Variants in SNTG1 observed in about 807,000 individuals in gnomAD.
The protein encoded by SNTG1 is gamma-1-syntrophin.
A neutral mutation model predicts 74.7 loss-of-function variants in SNTG1; 39 were observed. That is an observed-to-expected ratio of 0.52 (90% CI 0.40 to 0.68). The LOEUF (loss-of-function observed/expected upper bound fraction) is 0.68. Ranked by LOEUF, SNTG1 falls within the 30% of genes least tolerant of loss-of-function variation. The pLI is 0.00. For synonymous variants in SNTG1, 254 were observed against 217.1 expected, an observed-to-expected ratio of 1.17 and a Z score of -1.49; for missense variants, 685 against 609.5, an observed-to-expected ratio of 1.12 and a Z score of -1.30.
rs1807122099 is a variant in SNTG1, at chr8:49,927,378, A to G, written c.-103+15147A>G. 2.6e-5 allele frequency among the ~76,000 whole-genome samples: 4 copies of G among 152,356 alleles called. No individual in the cohort carries two copies. The South Asian group carries it at 8.3e-4, about 32-fold the overall frequency. On this transcript the variant is annotated intron_variant, in intron 1 of 18. Transcript: ENST00000642720. ...TTCTGCAGTAAATGAATGAATACAT[A>G]AACTCTGGTACTTCCAGGTAAGGGA...
At chr8:50,103,601 A>T (rs1377124570) in intron 1 of SNTG1, among the ~76,000 whole-genome samples, 1 of 151,670 alleles carries the variant, frequency 6.6e-6, no homozygotes, top group Admixed American at 6.6e-5. Context: ...CACTATGTTG[A>T]ATAGGAGTGG....
intron 1 of SNTG1, among the ~76,000 whole-genome samples, chr8:50,167,788 G>A (rs897786771): frequency 6.7e-6 from 1 of 149,682 alleles, no homozygotes; most frequent in Non-Finnish European, 1.5e-5. Context: ...ACCCCAGGCT[G>A]GGCAAGTTTG....
At chr8:49,928,250 C>CAG (rs1807224570) in intron 1 of SNTG1, among the ~76,000 whole-genome samples, 1 of 150,016 alleles carries the variant, frequency 6.7e-6, no homozygotes, top group Admixed American at 6.6e-5. Context: ...TTTTTTGAGA[C>CAG]AGAGTCTAGC....
chr8:50,666,129 A>G (rs2095249915), intron 15 of SNTG1, among the ~76,000 whole-genome samples: 1 of 152,186 alleles, frequency 6.6e-6, no homozygotes, highest in Non-Finnish European at 1.5e-5. Flanking sequence ...AATGTAAAGG[A>G]GAAAACCAAT....
At chr8:50,458,194 A>C (rs1181236358) in intron 8 of SNTG1, 2 of 83,376 alleles carry the variant, frequency 2.4e-5, no homozygotes, top group Non-Finnish European at 6.8e-5. Flanking sequence ...GCAGAAGCTA[A>C]AACAGGAAAA....
chr8:50,550,745 G>C (rs535864755), intron 11 of SNTG1, among the ~76,000 whole-genome samples: 22 of 151,716 alleles, frequency 1.5e-4, no homozygotes, highest in Non-Finnish European at 2.6e-4. Flanking sequence ...TAAGGTTACC[G>C]TTAATGCTGT....
At chr8:50,495,907 T>C (rs1476041838) in intron 8 of SNTG1, among the ~76,000 whole-genome samples, 1 of 152,194 alleles carries the variant, frequency 6.6e-6, no homozygotes, top group South Asian at 2.1e-4. Flanking sequence ...GCCTTTACAT[T>C]ACCGTTTCAA....
chr8:50,604,324 G>T (rs946720984), intron 13 of SNTG1, among the ~76,000 whole-genome samples: 1 of 152,014 alleles, frequency 6.6e-6, no homozygotes, highest in Admixed American at 6.5e-5. Context: ...GCTGAGGTGG[G>T]AGGATCACTT....
At chr8:49,939,859 C>A (rs1337327008) in intron 1 of SNTG1, among the ~76,000 whole-genome samples, 1 of 152,052 alleles carries the variant, frequency 6.6e-6, no homozygotes, top group African/African-American at 2.4e-5. Flanking sequence ...CCTGAGAGGT[C>A]TAGGGTCTAG....
chr8:50,716,463 A>G (rs983274622), intron 17 of SNTG1, among the ~76,000 whole-genome samples: 3 of 151,996 alleles, frequency 2.0e-5, no homozygotes, highest in African/African-American at 7.2e-5. Flanking sequence ...TGTTTGATGT[A>G]ATTTTTATGT....
chr8:50,746,633 G>T (rs12682636), intron 17 of SNTG1, among the ~76,000 whole-genome samples: 86 of 151,500 alleles, frequency 5.7e-4, no homozygotes, highest in African/African-American at 1.9e-3. Context: ...TAAAACTAAA[G>T]ATATCTAAAT....
intron 2 of SNTG1, among the ~76,000 whole-genome samples, chr8:50,296,210 C>T (rs1486966995): frequency 3.9e-5 from 6 of 152,132 alleles, no homozygotes; most frequent in Admixed American, 2.6e-4. Context: ...TGTGGTGATT[C>T]CTCAAGGATA....
At chr8:50,147,538 G>A (rs910934393) in intron 1 of SNTG1, among the ~76,000 whole-genome samples, 1 of 152,124 alleles carries the variant, frequency 6.6e-6, no homozygotes. Context: ...TAAAATATAA[G>A]TAATGGGTTA....
intron 2 of SNTG1, among the ~76,000 whole-genome samples, chr8:50,371,861 C>A (rs2092276838): frequency 6.6e-6 from 1 of 152,106 alleles, no homozygotes; most frequent in Admixed American, 6.5e-5. Flanking sequence ...CCCCTGCTCC[C>A]TTTGGCTACC....
At chr8:50,350,413 T>A (rs1415202841) in intron 2 of SNTG1, among the ~76,000 whole-genome samples, 3 of 152,200 alleles carry the variant, frequency 2.0e-5, no homozygotes, top group African/African-American at 7.2e-5. Flanking sequence ...AGAACCTTTA[T>A]GTCTAGCTAA....
At chr8:50,296,702 C>G (rs184000100) in intron 2 of SNTG1, among the ~76,000 whole-genome samples, 1 of 152,114 alleles carries the variant, frequency 6.6e-6, no homozygotes, top group African/African-American at 2.4e-5. Context: ...ATAAGTGCAG[C>G]GAACCACCAT....
At chr8:50,182,717 C>T (rs1295350093) in intron 2 of SNTG1, among the ~76,000 whole-genome samples, 3 of 152,008 alleles carry the variant, frequency 2.0e-5, no homozygotes, top group Non-Finnish European at 2.9e-5. Context: ...TCACTTCTTC[C>T]AGCTTCAGCC....
intron 2 of SNTG1, among the ~76,000 whole-genome samples, chr8:50,293,368 A>T (rs2089210753): frequency 6.7e-6 from 1 of 149,026 alleles, no homozygotes; most frequent in South Asian, 2.1e-4. Context: ...ATATAGAACC[A>T]GTCATATTGG....
At chr8:50,676,175 C>T (rs929091197) in intron 15 of SNTG1, among the ~76,000 whole-genome samples, 2 of 151,932 alleles carry the variant, frequency 1.3e-5, no homozygotes, top group Non-Finnish European at 2.9e-5. Flanking sequence ...TGCATGGTGG[C>T]CTTTCTTGCT....
Sources: allele counts gnomAD v4.1 joint callset (sites outside exome capture counted in the v4.1 genomes callset), GRCh38; gene constraint gnomAD v4.1.1; transcripts MANE v1.5; gene names NCBI Gene and HGNC (gene_info 2026-07-23, HGNC 2026-07-21).